PIK3R3: variants seen among roughly 807,000 people sequenced by gnomAD.
PIK3R3 encodes the protein phosphoinositide-3-kinase regulatory subunit 3.
A neutral mutation model predicts 62.9 loss-of-function variants in PIK3R3; 64 were observed. The observed-to-expected ratio is 1.02, with a 90% CI of 0.83 to 1.25. PIK3R3 has a LOEUF of 1.25. Among genes scored for constraint, PIK3R3 ranks in the 50% most tolerant of loss-of-function variants. The pLI is 0.00. For missense variants in PIK3R3, 614 were observed against 561.6 expected (o/e 1.09, Z -0.94); for synonymous variants, 165 against 189.0 (o/e 0.87, Z 1.04).
At chr1:46,077,310 ATTTT>A (rs907088923) in intron 3 of PIK3R3, among the ~76,000 whole-genome samples, 1 of 152,052 alleles carries the variant, frequency 6.6e-6, no homozygotes, top group Admixed American at 6.6e-5. Context: ...TTCTTTCTAC[ATTTT>A]TTTAAGTTGC....
At chr1:46,145,848 G>A in the PIK3R3 span, among the ~76,000 whole-genome samples, 3 of 152,264 alleles carry the variant, frequency 2.0e-5, no homozygotes, top group African/African-American at 2.4e-5. Context: ...CAGGGAAAAG[G>A]CCCATGCAGT....
Position 46,046,620 on chromosome 1 carries a change from A to G in PIK3R3, c.947T>C (p.Leu316Pro). 1 of 1,612,104 alleles carries G rather than the reference A, an allele frequency of 6.2e-7. No individual in the cohort carries two copies. Among genetic ancestry groups the G allele is most frequent in the East Asian group, 2.2e-5 (1 of 44,880 alleles). The change falls in exon 8 of 10, where the codon CTC (leucine) becomes CCC (proline). Residue 316 changes from leucine to proline, a missense_variant. Transcript: ENST00000262741. ...RKIRDQHLVW[L>P]NHKGVRQKRL... ...TTTCTGTCTCACTCCTTTGTGATTG[A>G]GCCATCTGCCAGAGGAAAGACACCA...
chr1:46,069,432 T>C (rs1401594999), intron 3 of PIK3R3, among the ~76,000 whole-genome samples: 3 of 151,760 alleles, frequency 2.0e-5, no homozygotes, highest in African/African-American at 4.8e-5. Context: ...GGCAGAAGAA[T>C]TGCTTGAATC....
chr1:46,109,933 A>G (rs554766352), intron 1 of PIK3R3, among the ~76,000 whole-genome samples: 10 of 152,292 alleles, frequency 6.6e-5, no homozygotes, highest in African/African-American at 2.4e-4. Flanking sequence ...TACATGGTCC[A>G]GTCTCTGCTT....
upstream of PIK3R3, among the ~76,000 whole-genome samples, chr1:46,136,677 C>T (rs1432780910): frequency 6.6e-6 from 1 of 152,170 alleles, no homozygotes; most frequent in Non-Finnish European, 1.5e-5. Flanking sequence ...CACTTATACA[C>T]CTCAGCATGT....
At chr1:46,159,944 T>C in the PIK3R3 span, among the ~76,000 whole-genome samples, 1 of 152,200 alleles carries the variant, frequency 6.6e-6, no homozygotes, top group Non-Finnish European at 1.5e-5. Context: ...CCTCTCTTCC[T>C]GACTCCCAGA....
chr1:46,133,622 A>C (rs1655809593), upstream of PIK3R3, among the ~76,000 whole-genome samples: 1 of 152,110 alleles, frequency 6.6e-6, no homozygotes. Context: ...TGGCCCCTGC[A>C]ACCTTCCTGG....
chr1:46,045,616 GCTTT>G (rs1647089771), intron 9 of PIK3R3, among the ~76,000 whole-genome samples: 1 of 16,532 alleles, frequency 6.0e-5, no homozygotes, highest in African/African-American at 2.2e-4. Flanking sequence ...ACAATTAAGT[GCTTT>G]TTTTTTTTTT....
intron 1 of PIK3R3, among the ~76,000 whole-genome samples, chr1:46,112,465 G>A (rs1653825341): frequency 6.6e-6 from 1 of 152,138 alleles, no homozygotes; most frequent in Admixed American, 6.6e-5. Context: ...CAGATTCCCA[G>A]AAGAGCTATT....
intron 1 of PIK3R3, 84 bp from the exon 2 acceptor site, chr1:46,080,834 T>C (rs994772293): frequency 5.1e-6 from 4 of 790,060 alleles, no homozygotes; most frequent in African/African-American, 3.5e-5. Flanking sequence ...CTAACCAAGG[T>C]ATGTTAAGAT....
intron 3 of PIK3R3, among the ~76,000 whole-genome samples, 162 bp from the exon 4 acceptor site, chr1:46,067,253 C>CATATATATATATATATATATATAT (rs71307629): frequency 1.2e-4 from 16 of 130,352 alleles, no homozygotes; most frequent in Non-Finnish European, 8.0e-5. Context: ...TGTGTGTGAA[C>CATATATATATATATATATATATAT]ATATATATAT....
intron 1 of PIK3R3, among the ~76,000 whole-genome samples, chr1:46,105,361 T>C (rs1025296215): frequency 6.6e-6 from 1 of 151,978 alleles, no homozygotes; most frequent in African/African-American, 2.4e-5. Context: ...TTAGCTGACA[T>C]GGCGACTTGC....
chr1:46,080,134 T>G (rs1185579343), intron 2 of PIK3R3, among the ~76,000 whole-genome samples: 1 of 146,130 alleles, frequency 6.8e-6, no homozygotes, highest in Non-Finnish European at 1.5e-5. Flanking sequence ...CTATCTCGGC[T>G]CACTGCAACC....
chr1:46,118,783 T>C (rs1246632127), intron 1 of PIK3R3, among the ~76,000 whole-genome samples: 1 of 152,072 alleles, frequency 6.6e-6, no homozygotes, highest in Admixed American at 6.6e-5. Context: ...CTCAAACTCC[T>C]GACCTCAGGT....
At chr1:46,125,609 A>G (rs774896937) in intron 1 of PIK3R3, among the ~76,000 whole-genome samples, 11 of 152,218 alleles carry the variant, frequency 7.2e-5, no homozygotes, top group Non-Finnish European at 2.9e-5. Flanking sequence ...TGCCAGGTTG[A>G]AAATACCAAG....
chr1:46,054,976 C>T (rs1414370841), intron 7 of PIK3R3, among the ~76,000 whole-genome samples: 1 of 152,098 alleles, frequency 6.6e-6, no homozygotes, highest in Non-Finnish European at 1.5e-5. Flanking sequence ...GATCTCGGCT[C>T]ACTGCAACCT....
At chr1:46,064,062 A>C (rs2149394081) in intron 5 of PIK3R3, among the ~76,000 whole-genome samples, 1 of 152,074 alleles carries the variant, frequency 6.6e-6, no homozygotes, top group East Asian at 1.9e-4. Flanking sequence ...AAAATACAAA[A>C]ATTAGCCAGA....
At chr1:46,098,094 C>G (rs983357137) in intron 1 of PIK3R3, among the ~76,000 whole-genome samples, 4 of 152,086 alleles carry the variant, frequency 2.6e-5, no homozygotes, top group African/African-American at 9.7e-5. Context: ...TTTCTACACA[C>G]TAGCAATGAA....
the PIK3R3 span, among the ~76,000 whole-genome samples, chr1:46,158,563 C>T: frequency 6.6e-6 from 1 of 152,248 alleles, no homozygotes; most frequent in Non-Finnish European, 1.5e-5. Context: ...TACTAATGTA[C>T]AGCTGTTCTC....
Sources: gnomAD v4.1 joint callset for allele counts (sites outside exome capture counted in the v4.1 genomes callset) on GRCh38, gnomAD v4.1.1 for gene constraint, MANE v1.5 for transcripts, NCBI Gene and HGNC (gene_info 2026-07-23, HGNC 2026-07-21) for gene names.